The following TCF12 variants were observed in gnomAD, a reference collection of about 807,000 sequenced individuals.
TCF12 encodes DNA-binding protein HTF4.
Under a neutral mutation model 86.0 loss-of-function variants are expected in TCF12, and 45 were observed. The ratio of observed to expected loss-of-function variants is 0.52; its 90% confidence interval spans 0.41 to 0.67. The LOEUF is 0.67. Among genes scored for constraint, TCF12 ranks in the 30% least tolerant of loss-of-function variants. The pLI, the probability that TCF12 is intolerant of heterozygous loss-of-function variation, is 0.00. For synonymous variants in TCF12, 330 were observed against 299.6 expected (o/e 1.10, Z -1.05); for missense variants, 881 against 859.9 (o/e 1.02, Z -0.31).
intron 3 of TCF12, among the ~76,000 whole-genome samples, chr15:57,021,322 A>G (rs1177880298): frequency 2.6e-5 from 4 of 152,192 alleles, no homozygotes; most frequent in African/African-American, 9.6e-5. Context: ...AGGCATGGGT[A>G]AGCTCTGGAG....
At chr15:56,926,822 C>T (rs540035873) in intron 3 of TCF12, among the ~76,000 whole-genome samples, 4 of 152,248 alleles carry the variant, frequency 2.6e-5, no homozygotes, top group Non-Finnish European at 2.9e-5. Context: ...TAATAATAGT[C>T]GTTATCCTTA....
chr15:57,202,124 C>G (rs115376561), intron 8 of TCF12, among the ~76,000 whole-genome samples: 1,751 of 152,196 alleles, frequency 0.012, 32 homozygotes, highest in African/African-American at 0.039. Flanking sequence ...TCCCTACTTA[C>G]AAATAAGAAA....
In TCF12 at chr15:56,921,007, T is replaced by C. The variant is rs1595682814; in HGVS notation, c.76-19T>C. The stretch of plus-strand genomic sequence containing the variant: ...AGAAGAATTTCAGGACTAACAGATA[T>C]ATTTGGGTTATTTTGCAGATGTTTT... On this transcript the variant is annotated intron_variant, in intron 2 of 20. Transcript: ENST00000333725. 8 of 1,584,110 alleles carry C rather than the reference T, an allele frequency of 5.1e-6. No individual in the cohort carries two copies. In the East Asian group the frequency reaches 9.1e-5, roughly 18 times the overall value.
chr15:57,080,368 A>G (rs2070520183), intron 4 of TCF12, among the ~76,000 whole-genome samples: 1 of 152,218 alleles, frequency 6.6e-6, no homozygotes, highest in Non-Finnish European at 1.5e-5. Context: ...TTTGATGTTA[A>G]GTAGAAATGA....
intron 13 of TCF12, among the ~76,000 whole-genome samples, chr15:57,248,593 C>A (rs1337470874): frequency 7.2e-5 from 11 of 152,178 alleles, no homozygotes; most frequent in African/African-American, 2.4e-4. Flanking sequence ...AAGAGAAATT[C>A]TCAGTTTCAG....
chr15:57,044,051 G>A (rs1207150669), intron 3 of TCF12, among the ~76,000 whole-genome samples: 2 of 151,994 alleles, frequency 1.3e-5, no homozygotes, highest in African/African-American at 4.8e-5. Context: ...TTTACATTCA[G>A]ATTGGACACT....
intron 5 of TCF12, among the ~76,000 whole-genome samples, chr15:57,119,499 T>C (rs1228187277): frequency 6.8e-6 from 1 of 147,446 alleles, no homozygotes; most frequent in Admixed American, 6.9e-5. Flanking sequence ...GATACGATAC[T>C]GTATGCTATT....
chr15:57,067,538 C>CA (rs141377160), intron 4 of TCF12, among the ~76,000 whole-genome samples: 8,602 of 58,412 alleles, frequency 0.15, 1,387 homozygotes, highest in African/African-American at 0.4. Flanking sequence ...GACTCCGTCT[C>CA]AAAAAAAAAA....
rs78170941 is a variant in TCF12 at position 57,232,839 on chromosome 15, G to A, written c.953G>A (p.Gly318Glu). ...GCCTCACACACTCCTCCCATCAATGGATCAGACAGCATTCTAGGTGAGCTT... is the reference window on the plus strand; with the variant it reads ...GCCTCACACACTCCTCCCATCAATGAATCAGACAGCATTCTAGGTGAGCTT... ...VAASHTPPINGSDSILGTRGN... is the reference protein window; with the variant it reads ...VAASHTPPINESDSILGTRGN... Residue 318 changes from glycine to glutamate, a missense_variant, in exon 11 of 21, where the codon GGA (glycine) becomes GAA (glutamate). Gly to Glu is a moderately conservative substitution (Grantham distance 98). Around this residue, in one of 3 missense-constraint regions of TCF12, gnomAD observed 766 missense variants for 718.9 expected, o/e 1.07. Transcript: ENST00000333725. 2.9e-5 allele frequency: 46 copies of A among 1,597,158 alleles called. No individual in the cohort carries two copies. Among genetic ancestry groups the A allele is most frequent in the Non-Finnish European group, 3.7e-5 (43 of 1,172,064 alleles).
chr15:57,036,067 G>A (rs548934235), intron 3 of TCF12, among the ~76,000 whole-genome samples: 50 of 138,980 alleles, frequency 3.6e-4, no homozygotes, highest in African/African-American at 1.2e-3. Context: ...CCCAGCTCCT[G>A]GTGCCAGAAG....
At chr15:57,145,570 G>C (rs952160318) in intron 5 of TCF12, among the ~76,000 whole-genome samples, 1 of 151,992 alleles carries the variant, frequency 6.6e-6, no homozygotes, top group Non-Finnish European at 1.5e-5. Flanking sequence ...AAGTTTCTTG[G>C]TCACCCATAT....
At chr15:57,036,995 G>T (rs2066542545) in intron 3 of TCF12, among the ~76,000 whole-genome samples, 1 of 152,152 alleles carries the variant, frequency 6.6e-6, no homozygotes, top group South Asian at 2.1e-4. Context: ...GGATGATGTG[G>T]TTATTTCAAT....
chr15:56,997,298 A>C (rs954176853), intron 3 of TCF12, among the ~76,000 whole-genome samples: 7 of 152,236 alleles, frequency 4.6e-5, no homozygotes, highest in Admixed American at 2.6e-4. Context: ...CAGCCATAAA[A>C]AGAACAAAAT....
intron 5 of TCF12, among the ~76,000 whole-genome samples, chr15:57,108,327 C>A (rs562292042): frequency 6.6e-6 from 1 of 151,990 alleles, no homozygotes; most frequent in Admixed American, 6.5e-5. Context: ...TTCTTCTCCC[C>A]GTACCCCCAA....
At chr15:57,002,245 C>T (rs1306372701) in intron 3 of TCF12, among the ~76,000 whole-genome samples, 9 of 152,082 alleles carry the variant, frequency 5.9e-5, no homozygotes, top group Admixed American at 5.2e-4. Flanking sequence ...GTATAGTTAC[C>T]TGTTCCACAT....
rs112766871 is a variant in TCF12, at chr15:57,125,801, G to C, written c.325+33910G>C. Among the ~76,000 whole-genome samples, 11 of 152,250 alleles carry C rather than the reference G, an allele frequency of 7.2e-5. 1 individual carries two copies. The highest frequency in any genetic ancestry group is 2.6e-4 in the African/African-American group (11 of 41,544). On this transcript the variant is annotated intron_variant, in intron 5 of 20. Transcript: ENST00000333725. ...TAAAAGGCATACACTCTTGTAAATA[G>C]AAGCAATTCTCAGCTTGTTTTCTTC...
chr15:56,976,393 G>C (rs2140826998), intron 3 of TCF12, among the ~76,000 whole-genome samples: 1 of 142,382 alleles, frequency 7.0e-6, no homozygotes, highest in African/African-American at 2.5e-5. Flanking sequence ...ACCACGCCTG[G>C]CTAATTTTTT....
At chr15:57,218,605 G>A (rs1192944376) in intron 8 of TCF12, among the ~76,000 whole-genome samples, 1 of 151,902 alleles carries the variant, frequency 6.6e-6, no homozygotes, top group Non-Finnish European at 1.5e-5. Flanking sequence ...AAGACTTATA[G>A]GAAACTGTTT....
chr15:57,080,323 A>G lies in TCF12; in HGVS notation c.223-11466A>G, dbSNP rs139905502. 3.1e-3 allele frequency among the ~76,000 whole-genome samples: 469 copies of G among 152,344 alleles called. 2 individuals are homozygous for G. Among genetic ancestry groups the G allele is most frequent in the African/African-American group, 0.011 (455 of 41,570 alleles). ...CTGAGCACTCTGCAAGAGAAACTGT[A>G]TACTGTACATCAGAAAGCAGGGGTA... On this transcript the variant is annotated intron_variant, in intron 4 of 20. Transcript: ENST00000333725.
Sources: gnomAD v4.1 joint callset for allele counts (sites outside exome capture counted in the v4.1 genomes callset) on GRCh38, gnomAD v4.1.1 for gene constraint, gnomAD v4.1.1 regional missense constraint, MANE v1.5 for transcripts, NCBI Gene and HGNC (gene_info 2026-07-23, HGNC 2026-07-21) for gene names.